The following ERG variants were observed in gnomAD, a reference collection of about 807,000 sequenced individuals.
ERG encodes transcriptional regulator ERG.
In ERG, 9 loss-of-function variants were observed where a neutral mutation model predicts 55.3. The ratio of observed to expected loss-of-function variants is 0.16; its 90% CI spans 0.10 to 0.28. The LOEUF is 0.28. Among genes scored for constraint, ERG ranks in the 10% least tolerant of loss-of-function variants. ERG has a pLI of 1.00. For missense variants in ERG, 434 were observed against 631.6 expected (o/e 0.69, Z 3.35); for synonymous variants, 223 against 237.3 (o/e 0.94, Z 0.55).
intron 2 of ERG, among the ~76,000 whole-genome samples, chr21:38,424,008 C>T (rs903891553): frequency 2.3e-5 from 3 of 129,278 alleles, no homozygotes; most frequent in Non-Finnish European, 3.4e-5. Flanking sequence ...AAAGAAATGC[C>T]GAAAACAGGC....
At chr21:38,535,029 G>A (rs2059699249) in intron 2 of ERG, among the ~76,000 whole-genome samples, 1 of 152,048 alleles carries the variant, frequency 6.6e-6, no homozygotes, top group Non-Finnish European at 1.5e-5. Flanking sequence ...CGTGTGCCAT[G>A]GTGGTTTGCT....
At chr21:38,433,012 G>A (rs927809029) in intron 2 of ERG, among the ~76,000 whole-genome samples, 6 of 152,200 alleles carry the variant, frequency 3.9e-5, no homozygotes, top group African/African-American at 7.2e-5. Context: ...GGGCAGCCAC[G>A]AAGGAGCAAG....
At chr21:38,448,760 C>T (rs1210100831) in intron 1 of ERG, among the ~76,000 whole-genome samples, 1 of 152,168 alleles carries the variant, frequency 6.6e-6, no homozygotes, top group Non-Finnish European at 1.5e-5. Flanking sequence ...ATCATCCCTT[C>T]GGTTAAAGCT....
chr21:38,499,062 T>C (rs1166829124), upstream of ERG, among the ~76,000 whole-genome samples: 2 of 152,246 alleles, frequency 1.3e-5, no homozygotes, highest in Non-Finnish European at 2.9e-5. Context: ...GCACTTTTTA[T>C]TTGCTCTACA....
At chr21:38,399,579 G>A (rs933404292) in intron 6 of ERG, among the ~76,000 whole-genome samples, 1 of 152,224 alleles carries the variant, frequency 6.6e-6, no homozygotes, top group Admixed American at 6.5e-5. Flanking sequence ...GCTGATGTAA[G>A]TCCCAGGGAG....
At chr21:38,646,126 A>T (rs911589887) in intron 1 of ERG, among the ~76,000 whole-genome samples, 2 of 152,004 alleles carry the variant, frequency 1.3e-5, no homozygotes, top group African/African-American at 2.4e-5. Context: ...TAAAAATATT[A>T]AAAAATCAGC....
At chr21:38,462,258 C>T (rs1280664202) in intron 1 of ERG, among the ~76,000 whole-genome samples, 1 of 152,204 alleles carries the variant, frequency 6.6e-6, no homozygotes, top group Non-Finnish European at 1.5e-5. Flanking sequence ...GCTGGGATTA[C>T]AGTCATGAGC....
At chr21:38,392,485 A>AT (rs1988022231) in intron 6 of ERG, 41 bp from the exon 7 acceptor site, 1 of 1,357,952 alleles carries the variant, frequency 7.4e-7, no homozygotes. Flanking sequence ...CAATCATGTA[A>AT]TTTTTATAAG....
intron 1 of ERG, among the ~76,000 whole-genome samples, chr21:38,634,010 T>C (rs1000151438): frequency 2.0e-5 from 3 of 152,126 alleles, no homozygotes; most frequent in Non-Finnish European, 4.4e-5. Context: ...GTTCTGTATA[T>C]AATTCTCTAA....
chr21:38,416,562 G>A (rs1486571473), intron 3 of ERG, among the ~76,000 whole-genome samples: 1 of 152,182 alleles, frequency 6.6e-6, no homozygotes, highest in Non-Finnish European at 1.5e-5. Flanking sequence ...AACTGCCTTA[G>A]CACTGATTCC....
intron 1 of ERG, among the ~76,000 whole-genome samples, chr21:38,580,224 A>G (rs1004155857): frequency 3.3e-5 from 5 of 152,198 alleles, no homozygotes; most frequent in Non-Finnish European, 5.9e-5. Context: ...AAGTGCTGGG[A>G]TTACAGGCGT....
intron 2 of ERG, among the ~76,000 whole-genome samples, chr21:38,424,238 C>T (rs1314396085): frequency 6.7e-6 from 1 of 148,840 alleles, no homozygotes; most frequent in Non-Finnish European, 1.5e-5. Flanking sequence ...CATGTAAGGG[C>T]AGAGCAAGAA....
rs200701065 is a variant in ERG, at chr21:38,575,677, T to C, written c.-56A>G. On this transcript the variant is annotated 5_prime_UTR_variant, in exon 2 of 9. Coordinates refer to the ERG transcript ENST00000398897. ...CGGGACTTACCTTGATATGAGCTGC[T>C]GGGTCCGGGACAGTCTGAATCATGT... is the stretch of plus-strand genomic sequence containing the variant. 5.6e-6 allele frequency: 9 copies of C among 1,613,984 alleles called. No homozygotes were observed. The East Asian group carries it at 1.6e-4, about 28-fold the overall frequency.
At chr21:38,495,361 C>T (rs1193586869) in intron 1 of ERG, among the ~76,000 whole-genome samples, 2 of 152,290 alleles carry the variant, frequency 1.3e-5, no homozygotes, top group East Asian at 3.9e-4. Flanking sequence ...AAAAAAGTAA[C>T]TTCTTTAGGC....
At chr21:38,541,749 T>A (rs2059754090) in intron 2 of ERG, among the ~76,000 whole-genome samples, 1 of 152,188 alleles carries the variant, frequency 6.6e-6, no homozygotes, top group Non-Finnish European at 1.5e-5. Context: ...ATGCACATTA[T>A]TCTTCTTAAA....
chr21:38,483,861 T>C (rs1311720802), intron 1 of ERG, among the ~76,000 whole-genome samples: 1 of 152,146 alleles, frequency 6.6e-6, no homozygotes, highest in South Asian at 2.1e-4. Flanking sequence ...AGTGAGACTC[T>C]GTCTCAAAAA....
intron 2 of ERG, among the ~76,000 whole-genome samples, chr21:38,570,255 C>T (rs769125464): frequency 1.3e-5 from 2 of 152,308 alleles, no homozygotes; most frequent in Non-Finnish European, 1.5e-5. Flanking sequence ...TATCCCCAAC[C>T]ACTTCTCAAA....
intron 6 of ERG, among the ~76,000 whole-genome samples, chr21:38,397,218 C>T (rs1023164745): frequency 1.3e-5 from 2 of 151,544 alleles, no homozygotes; most frequent in East Asian, 3.9e-4. Flanking sequence ...ACTGACACAG[C>T]AGCAGCGAGA....
At chr21:38,453,787 G>A (rs1451278449) in intron 1 of ERG, among the ~76,000 whole-genome samples, 1 of 150,290 alleles carries the variant, frequency 6.7e-6, no homozygotes, top group Non-Finnish European at 1.5e-5. Flanking sequence ...AGGAGGCTGA[G>A]ACAAGAGAAT....
Sources: gnomAD v4.1 joint callset for allele counts (sites outside exome capture counted in the v4.1 genomes callset) on GRCh38, gnomAD v4.1.1 for gene constraint, MANE v1.5 for transcripts, NCBI Gene and HGNC (gene_info 2026-07-23, HGNC 2026-07-21) for gene names.